The following CLEC2A variants were observed in gnomAD, a reference collection of about 807,000 sequenced individuals.
The protein encoded by CLEC2A is keratinocyte-associated C-type lectin.
Under a neutral mutation model 18.6 loss-of-function variants are expected in CLEC2A, and 19 were observed. The observed-to-expected ratio is 1.02, with a 90% confidence interval of 0.71 to 1.50. The LOEUF (loss-of-function observed/expected upper bound fraction) is 1.50. Among genes scored for constraint, CLEC2A ranks in the 40% most tolerant of loss-of-function variants. CLEC2A has a pLI of 0.00. For synonymous variants in CLEC2A, 74 were observed against 64.0 expected (o/e 1.16, Z -0.75); for missense variants, 190 against 207.9 (o/e 0.91, Z 0.53).
chr12:9,905,509 G>C (rs149659973), intron 4 of CLEC2A, among the ~76,000 whole-genome samples: 1,578 of 152,244 alleles, frequency 0.01, 29 homozygotes, highest in African/African-American at 0.036. Context: ...TGTAAATAAG[G>C]CAACCCATAT....
intron 4 of CLEC2A, among the ~76,000 whole-genome samples, chr12:9,907,819 C>T (rs1321554103): frequency 3.3e-5 from 5 of 152,114 alleles, no homozygotes; most frequent in East Asian, 1.9e-4. Context: ...TCTTCCCATT[C>T]GAAAGCAAAT....
At chr12:9,901,510 T>C (rs980985909) in intron 4 of CLEC2A, among the ~76,000 whole-genome samples, 1 of 152,168 alleles carries the variant, frequency 6.6e-6, no homozygotes, top group Non-Finnish European at 1.5e-5. Context: ...AGAGCATACA[T>C]TAGCTTTATT....
Position 9,932,112 on chromosome 12 carries a change from C to A in CLEC2A, c.55+163G>T, listed in dbSNP as rs1415711515. On this transcript the variant is annotated intron_variant, in intron 1 of 4. Coordinates refer to ENST00000455827, the MANE Select transcript of CLEC2A (RefSeq NM_001130711.2). ...TACCCTCTCTTGCAGACATAAAACT[C>A]TACATGCTCTAACAGGCTTCCACAA... Among the ~76,000 whole-genome samples, 4 of 152,218 alleles carry A rather than the reference C, an allele frequency of 2.6e-5. No individual in the cohort carries two copies. In the East Asian group the frequency reaches 7.7e-4, roughly 29 times the overall value.
chr12:9,879,285 T>G, the CLEC2A span, among the ~76,000 whole-genome samples: 1 of 152,208 alleles, frequency 6.6e-6, no homozygotes, highest in Non-Finnish European at 1.5e-5. Context: ...TCATTGTGTC[T>G]TACCCAATCC....
At chr12:9,889,315 T>C in the CLEC2A span, among the ~76,000 whole-genome samples, 1 of 152,224 alleles carries the variant, frequency 6.6e-6, no homozygotes, top group Non-Finnish European at 1.5e-5. Flanking sequence ...TAGGCCACCA[T>C]ACCTAGGCAG....
At chr12:9,896,726 G>C (rs1862760066), downstream of CLEC2A, among the ~76,000 whole-genome samples, 2 of 152,026 alleles carry the variant, frequency 1.3e-5, no homozygotes, top group Admixed American at 1.3e-4. Flanking sequence ...TGGTGAGTTT[G>C]TGTACACTTG....
chr12:9,899,117 T>C (rs1862791445), intron 4 of CLEC2A: 2 of 503,614 alleles, frequency 4.0e-6, no homozygotes, highest in Non-Finnish European at 7.2e-6. Context: ...AAAGCCCTAC[T>C]AGTAAAAAAA....
the CLEC2A span, among the ~76,000 whole-genome samples, chr12:9,882,640 G>C: frequency 3.3e-5 from 5 of 152,226 alleles, no homozygotes; most frequent in Admixed American, 2.6e-4. Context: ...AATTAGCTGG[G>C]TATGGTGGCG....
chr12:9,892,483 AT>A, the CLEC2A span, among the ~76,000 whole-genome samples: 1 of 151,860 alleles, frequency 6.6e-6, no homozygotes, highest in South Asian at 2.1e-4. Context: ...GGGGATCAGA[AT>A]TCACAGGCTT....
At chr12:9,881,357 C>A in the CLEC2A span, 1 of 419,458 alleles carries the variant, frequency 2.4e-6, no homozygotes, top group Admixed American at 4.0e-5. Context: ...CACTAGCTAC[C>A]TTTACCTTGA....
downstream of CLEC2A, chr12:9,895,731 T>C (rs994724602): frequency 6.5e-7 from 1 of 1,535,624 alleles, no homozygotes. Flanking sequence ...GCTGTGCCGT[T>C]ATCACAGGAA....
downstream of CLEC2A, among the ~76,000 whole-genome samples, chr12:9,895,465 A>C (rs1291364732): frequency 1.3e-5 from 2 of 152,210 alleles, no homozygotes; most frequent in Non-Finnish European, 2.9e-5. Context: ...AGAGGTAAGG[A>C]AGAAGCTGGG....
chr12:9,921,015 A>G (rs554903865), intron 3 of CLEC2A, among the ~76,000 whole-genome samples: 67 of 152,354 alleles, frequency 4.4e-4, no homozygotes, highest in African/African-American at 1.5e-3. Context: ...TGGCATCACT[A>G]GTCATCTTGC....
chr12:9,911,501 G>C (rs1487755794), downstream of CLEC2A, among the ~76,000 whole-genome samples: 2 of 152,152 alleles, frequency 1.3e-5, no homozygotes, highest in African/African-American at 2.4e-5. Context: ...CCCAAAAGTA[G>C]TTTATAACCT....
the CLEC2A span, among the ~76,000 whole-genome samples, chr12:9,883,315 C>G: frequency 6.6e-6 from 1 of 152,168 alleles, no homozygotes; most frequent in East Asian, 1.9e-4. Context: ...GCAATAGTAG[C>G]ACCAGCAGAT....
At chr12:9,894,052 TTC>T (rs766648766), downstream of CLEC2A, among the ~76,000 whole-genome samples, 1 of 151,734 alleles carries the variant, frequency 6.6e-6, no homozygotes, top group Non-Finnish European at 1.5e-5. Flanking sequence ...CTTTCTTTCT[TTC>T]TCTTTCTCTT....
chr12:9,929,604 C>G (rs673557), intron 1 of CLEC2A, among the ~76,000 whole-genome samples: 45,624 of 151,848 alleles, frequency 0.3, 7,576 homozygotes, highest in African/African-American at 0.44. Context: ...GCATTCCTAA[C>G]ATAAATCCAC....
Position 9,922,236 on chromosome 12 carries a change from A to G in CLEC2A, c.140-4T>C, listed in dbSNP as rs1351648866. The G allele has an allele frequency of 2.7e-6, 4 of 1,477,928 alleles. No homozygotes were observed. Among genetic ancestry groups the G allele is most frequent in the Admixed American group, 2.4e-5 (1 of 41,582 alleles). The allele number at this position is 1,477,928 out of a possible 1,614,324, so 91.6% of individuals were successfully genotyped here. ...TTAGCATGCTTGGACCATGTGGCTGAAAAAAAAAGAAAGAAATGATCAGAT... is the reference window on the plus strand; with the variant it reads ...TTAGCATGCTTGGACCATGTGGCTGGAAAAAAAAGAAAGAAATGATCAGAT... On this transcript the variant is annotated splice_region_variant and splice_polypyrimidine_tract_variant and intron_variant, in intron 2 of 4. Transcript: ENST00000455827.
At chr12:9,928,017 T>C (rs1421768759) in intron 1 of CLEC2A, among the ~76,000 whole-genome samples, 1 of 152,188 alleles carries the variant, frequency 6.6e-6, no homozygotes, top group East Asian at 1.9e-4. Flanking sequence ...CAAAATTTAT[T>C]TAAGACGTAT....
Sources: gnomAD v4.1 joint callset for allele counts (sites outside exome capture counted in the v4.1 genomes callset) on GRCh38, gnomAD v4.1.1 for gene constraint, MANE v1.5 for transcripts, NCBI Gene and HGNC (gene_info 2026-07-23, HGNC 2026-07-21) for gene names.